Variants in SMAP1 observed in about 807,000 individuals in gnomAD.
The protein encoded by SMAP1 is stromal membrane-associated protein 1.
SMAP1 carries 24 observed loss-of-function variants against 58.5 expected under a neutral mutation model. That is an observed-to-expected ratio of 0.41 (90% CI 0.30 to 0.58). The LOEUF (loss-of-function observed/expected upper bound fraction) is 0.58. SMAP1 is among the 20% of genes least tolerant of loss of function. The pLI is 0.29. For synonymous variants in SMAP1, 216 were observed against 196.6 expected (o/e 1.10, Z -0.82); for missense variants, 563 against 566.3 (o/e 0.99, Z 0.06).
At chr6:70,780,504 C>T (rs1046962202) in intron 4 of SMAP1, among the ~76,000 whole-genome samples, 1 of 152,036 alleles carries the variant, frequency 6.6e-6, no homozygotes, top group Admixed American at 6.6e-5. Context: ...TTGCTTGAGC[C>T]CAGGAGGTTG....
intron 1 of SMAP1, among the ~76,000 whole-genome samples, chr6:70,690,993 G>A (rs1285519362): frequency 6.6e-6 from 1 of 151,730 alleles, no homozygotes; most frequent in Non-Finnish European, 1.5e-5. Context: ...GTTTTTTGCT[G>A]AGCAGATTCA....
intron 1 of SMAP1, among the ~76,000 whole-genome samples, chr6:70,695,254 C>T (rs1767352639): frequency 6.6e-6 from 1 of 152,108 alleles, no homozygotes; most frequent in Admixed American, 6.6e-5. Flanking sequence ...TTTTTCCTTT[C>T]CAAATTGGAT....
At chr6:70,811,185 C>T (rs1769371828) in intron 6 of SMAP1, among the ~76,000 whole-genome samples, 1 of 152,158 alleles carries the variant, frequency 6.6e-6, no homozygotes, top group Non-Finnish European at 1.5e-5. Flanking sequence ...TGTCTAACTA[C>T]TCTGTGCCTC....
intron 1 of SMAP1, among the ~76,000 whole-genome samples, chr6:70,699,859 C>A (rs2149826918): frequency 6.6e-6 from 1 of 152,028 alleles, no homozygotes; most frequent in East Asian, 1.9e-4. Flanking sequence ...GGCCTGGAAT[C>A]TGGGATCCTA....
chr6:70,727,256 G>A (rs1258570139), intron 1 of SMAP1, among the ~76,000 whole-genome samples: 1 of 152,008 alleles, frequency 6.6e-6, no homozygotes, highest in Non-Finnish European at 1.5e-5. Context: ...CTACAGGCAC[G>A]TACCAACACG....
chr6:70,769,696 C>G (rs540332571), intron 3 of SMAP1, among the ~76,000 whole-genome samples: 10 of 152,168 alleles, frequency 6.6e-5, no homozygotes, highest in Non-Finnish European at 1.2e-4. Context: ...TGGGTCTTGA[C>G]TCTTTATCCA....
At chr6:70,713,963 GTTGAA>G (rs1477215557) in intron 1 of SMAP1, among the ~76,000 whole-genome samples, 2 of 152,062 alleles carry the variant, frequency 1.3e-5, no homozygotes, top group African/African-American at 2.4e-5. Context: ...ATATCTTCTT[GTTGAA>G]TTGATCCTTT....
chr6:70,745,455 G>C (rs1479540342), intron 2 of SMAP1, among the ~76,000 whole-genome samples: 4 of 152,154 alleles, frequency 2.6e-5, no homozygotes, highest in Admixed American at 6.5e-5. Context: ...TCTTGTTTTT[G>C]TCAGGTTTAT....
chr6:70,827,144 A>G (rs148067512), intron 6 of SMAP1, among the ~76,000 whole-genome samples: 87 of 152,160 alleles, frequency 5.7e-4, no homozygotes, highest in African/African-American at 1.9e-3. Context: ...GTTTAGAGGA[A>G]GTTCTCTGCT....
chr6:70,743,480 CTG>C (rs1451628787), intron 2 of SMAP1, among the ~76,000 whole-genome samples: 2 of 152,212 alleles, frequency 1.3e-5, no homozygotes, highest in African/African-American at 4.8e-5. Context: ...TTGGAGAACT[CTG>C]TGTTAGAATA....
chr6:70,775,093 G>A (rs1340050811), intron 4 of SMAP1, among the ~76,000 whole-genome samples: 2 of 152,044 alleles, frequency 1.3e-5, no homozygotes, highest in African/African-American at 2.4e-5. Context: ...CATTGGAGCT[G>A]CATTTACAGT....
intron 1 of SMAP1, among the ~76,000 whole-genome samples, chr6:70,713,001 C>A (rs1004727562): frequency 2.6e-5 from 4 of 151,984 alleles, no homozygotes; most frequent in Non-Finnish European, 5.9e-5. Flanking sequence ...CCATGTTGGT[C>A]AGGCTGGTCT....
rs566402128 is a variant in SMAP1 at position 70,763,461 on chromosome 6, C to T, written c.338+8396C>T. 8.3e-4 allele frequency among the ~76,000 whole-genome samples: 126 copies of T among 152,244 alleles called. 1 individual carries two copies. The South Asian group carries it at 0.012, about 15-fold the overall frequency. ...GCTTTTCCCTTTCTTTTCCTCTGCACTCCGTATTCTGTGATACAACATTAA... is the reference window on the plus strand; with the variant it reads ...GCTTTTCCCTTTCTTTTCCTCTGCATTCCGTATTCTGTGATACAACATTAA... On this transcript the variant is annotated intron_variant, in intron 3 of 10. Transcript: ENST00000370455.
At chr6:70,826,026 G>A (rs1770100384) in intron 6 of SMAP1, among the ~76,000 whole-genome samples, 1 of 152,154 alleles carries the variant, frequency 6.6e-6, no homozygotes, top group South Asian at 2.1e-4. Flanking sequence ...GTGCTTACTA[G>A]TCCTGGTATG....
At chr6:70,779,900 A>G (rs1302025312) in intron 4 of SMAP1, among the ~76,000 whole-genome samples, 1 of 152,194 alleles carries the variant, frequency 6.6e-6, no homozygotes, top group Non-Finnish European at 1.5e-5. Context: ...GACTGCACAG[A>G]GACCATAGTA....
chr6:70,811,031 A>G (rs1186755812), intron 6 of SMAP1, among the ~76,000 whole-genome samples: 2 of 152,234 alleles, frequency 1.3e-5, no homozygotes, highest in Non-Finnish European at 2.9e-5. Context: ...ATCAATTTTT[A>G]AAACTGGAGT....
chr6:70,858,285 AT>A, intron 10 of SMAP1, 56 bp downstream of exon 10: 1 of 1,019,730 alleles, frequency 9.8e-7, no homozygotes, highest in Non-Finnish European at 1.3e-6. Flanking sequence ...TATTTTCTAA[AT>A]CTTTTTTTTT....
chr6:70,694,676 A>C (rs1767324731), intron 1 of SMAP1: 1 of 152,418 alleles, frequency 6.6e-6, no homozygotes, highest in Non-Finnish European at 1.5e-5. Context: ...GTAATCTCAC[A>C]AGCTGCCATA....
intron 7 of SMAP1, among the ~76,000 whole-genome samples, chr6:70,849,586 C>A (rs777688163): frequency 6.6e-6 from 1 of 152,108 alleles, no homozygotes; most frequent in Non-Finnish European, 1.5e-5. Flanking sequence ...TACCTAAATT[C>A]TCTTGAGTCA....
Sources: allele counts gnomAD v4.1 joint callset (sites outside exome capture counted in the v4.1 genomes callset), GRCh38; gene constraint gnomAD v4.1.1; transcripts MANE v1.5; gene names NCBI Gene and HGNC (gene_info 2026-07-23, HGNC 2026-07-21).